The following SHISA6 variants were observed in gnomAD, a reference collection of about 807,000 sequenced individuals.
The protein encoded by SHISA6 is protein shisa-6.
Under a neutral mutation model 47.9 loss-of-function variants are expected in SHISA6, and 22 were observed. The ratio of observed to expected loss-of-function variants is 0.46; its 90% CI spans 0.33 to 0.66. SHISA6 has a LOEUF of 0.66. SHISA6 is among the 30% of genes least tolerant of loss of function. The probability of loss-of-function intolerance (pLI) is 0.02; values close to 1 mark genes in which losing one functional copy is unlikely to be tolerated. For synonymous variants in SHISA6, 388 were observed against 337.8 expected, an observed-to-expected ratio of 1.15 and a Z score of -1.63; for missense variants, 680 against 764.6, an observed-to-expected ratio of 0.89 and a Z score of 1.30.
At chr17:11,348,947 C>G (rs777156681) in intron 2 of SHISA6, among the ~76,000 whole-genome samples, 5 of 152,216 alleles carry the variant, frequency 3.3e-5, no homozygotes, top group African/African-American at 4.8e-5. Context: ...GCTTCTCCTA[C>G]TCATCTGGCT....
At chr17:11,484,518 A>G (rs1352640079) in intron 3 of SHISA6, among the ~76,000 whole-genome samples, 3 of 152,152 alleles carry the variant, frequency 2.0e-5, no homozygotes, top group Non-Finnish European at 4.4e-5. Context: ...CTCCTGCCTC[A>G]ACCTCTCAAG....
chr17:11,257,748 C>T (rs1908072941), intron 1 of SHISA6, among the ~76,000 whole-genome samples: 1 of 151,882 alleles, frequency 6.6e-6, no homozygotes, highest in Admixed American at 6.6e-5. Context: ...TTATCTGGGA[C>T]TCAAATAACC....
chr17:11,497,150 TG>T (rs922605876), intron 3 of SHISA6, among the ~76,000 whole-genome samples: 4 of 152,088 alleles, frequency 2.6e-5, no homozygotes, highest in African/African-American at 9.7e-5. Flanking sequence ...AGCCTTGACC[TG>T]GGGAAAGGAG....
At chr17:11,332,973 A>G (rs1911180297) in intron 2 of SHISA6, among the ~76,000 whole-genome samples, 1 of 152,116 alleles carries the variant, frequency 6.6e-6, no homozygotes, top group African/African-American at 2.4e-5. Context: ...TCCAGATGAG[A>G]TGGTGATCCA....
intron 3 of SHISA6, among the ~76,000 whole-genome samples, chr17:11,407,315 G>A (rs889025057): frequency 6.6e-6 from 1 of 151,992 alleles, no homozygotes; most frequent in Non-Finnish European, 1.5e-5. Context: ...GGAGCTCCAG[G>A]TCTGTGTTCC....
intron 3 of SHISA6, among the ~76,000 whole-genome samples, chr17:11,490,122 G>T (rs1056755740): frequency 5.9e-5 from 9 of 152,142 alleles, no homozygotes; most frequent in African/African-American, 2.2e-4. Context: ...ATCCCTTCTT[G>T]CCAGCCTCTC....
chr17:11,241,369 C>G lies in SHISA6; in HGVS notation c.-54C>G, dbSNP rs1907315395. 9.8e-7 allele frequency: 1 copy of G among 1,016,348 alleles called. No individual in the cohort carries two copies. The highest frequency in any genetic ancestry group is 1.2e-6 in the Non-Finnish European group (1 of 851,796). 63.0% of individuals were successfully genotyped at this position (1,016,348 alleles called of 1,614,324 possible). Reference sequence around the variant, plus strand: ...GGCGGGTCCTCCGAGCCCGGCCCGCCGGGGGAGCGGCCTGCCGCGGAAGCC... The same window carrying G: ...GGCGGGTCCTCCGAGCCCGGCCCGCGGGGGGAGCGGCCTGCCGCGGAAGCC... On this transcript the variant is annotated 5_prime_UTR_variant, in exon 1 of 6. Coordinates refer to ENST00000441885, the MANE Select transcript of SHISA6 (RefSeq NM_207386.4). This position sits in a 1 kb window ranked among gnomAD's most constrained non-coding sequence, Gnocchi z 5.5.
At chr17:11,526,793 A>ATAAT (rs1179516568) in intron 3 of SHISA6, among the ~76,000 whole-genome samples, 1 of 149,996 alleles carries the variant, frequency 6.7e-6, no homozygotes, top group African/African-American at 2.5e-5. Flanking sequence ...TTTTGTTTTT[A>ATAAT]TAATTATTTT....
chr17:11,364,390 G>C (rs953056657), intron 2 of SHISA6, among the ~76,000 whole-genome samples: 1 of 152,050 alleles, frequency 6.6e-6, no homozygotes, highest in African/African-American at 2.4e-5. Flanking sequence ...CTTTGGTCTT[G>C]GTCTTCATAC....
intron 3 of SHISA6, among the ~76,000 whole-genome samples, chr17:11,531,444 T>C (rs1353805385): frequency 6.6e-6 from 1 of 152,068 alleles, no homozygotes; most frequent in Admixed American, 6.6e-5. Context: ...ACAGCTCAGA[T>C]ACGGTTAGTG....
intron 2 of SHISA6, chr17:11,289,824 T>G (rs1320807333): frequency 6.6e-6 from 1 of 152,102 alleles, no homozygotes; most frequent in Non-Finnish European, 1.5e-5. Context: ...GCTTGTGCTC[T>G]CTCTCTTATT....
chr17:11,471,395 A>C lies in SHISA6; in HGVS notation c.896-80501A>C, dbSNP rs544702679. On this transcript the variant is annotated intron_variant, in intron 3 of 5. Coordinates refer to ENST00000441885, the MANE Select transcript of SHISA6 (RefSeq NM_207386.4). ...CTCCCTATTGACCAAGCTCAACTGG[A>C]AACCAGAGCATCAGGAAACTTGGGG... Among the ~76,000 whole-genome samples, 12 of 152,278 alleles carry C rather than the reference A, an allele frequency of 7.9e-5. No homozygotes were observed. In the South Asian group the frequency reaches 2.5e-3, roughly 32 times the overall value.
intron 2 of SHISA6, among the ~76,000 whole-genome samples, chr17:11,353,225 G>A (rs778043362): frequency 1.3e-5 from 2 of 152,156 alleles, no homozygotes; most frequent in Admixed American, 1.3e-4. Context: ...TAGGGAGGCC[G>A]AGGCTGGCGG....
At chr17:11,545,321 A>G (rs549873193) in intron 3 of SHISA6, among the ~76,000 whole-genome samples, 4 of 152,312 alleles carry the variant, frequency 2.6e-5, no homozygotes, top group Admixed American at 6.5e-5. Context: ...TTCCATTTCT[A>G]TAACATTCAC....
chr17:11,304,423 C>T (rs1392560004), intron 2 of SHISA6, among the ~76,000 whole-genome samples: 2 of 152,120 alleles, frequency 1.3e-5, no homozygotes, highest in Non-Finnish European at 2.9e-5. Context: ...CCTGCTTGAG[C>T]CTTGCTCTGT....
At chr17:11,486,953 C>G (rs934888394) in intron 3 of SHISA6, among the ~76,000 whole-genome samples, 6 of 152,228 alleles carry the variant, frequency 3.9e-5, no homozygotes, top group Non-Finnish European at 8.8e-5. Flanking sequence ...TCCGGTGCCA[C>G]CTGCTTTCAT....
intron 3 of SHISA6, among the ~76,000 whole-genome samples, chr17:11,511,314 A>G (rs1255546786): frequency 6.6e-6 from 1 of 152,100 alleles, no homozygotes; most frequent in East Asian, 1.9e-4. Flanking sequence ...GAGGGAGAGC[A>G]TTAGGACAAA....
chr17:11,252,525 C>T (rs1396207742), intron 1 of SHISA6, among the ~76,000 whole-genome samples: 2 of 152,134 alleles, frequency 1.3e-5, no homozygotes, highest in Non-Finnish European at 2.9e-5. Flanking sequence ...GAAGTGGCAT[C>T]TGAGAGTCCC....
intron 3 of SHISA6, among the ~76,000 whole-genome samples, chr17:11,468,653 CA>C (rs1915865459): frequency 6.6e-6 from 1 of 152,128 alleles, no homozygotes; most frequent in African/African-American, 2.4e-5. Flanking sequence ...CTGTTTCTTT[CA>C]AAACAGAAAA....
Sources: allele counts gnomAD v4.1 joint callset (sites outside exome capture counted in the v4.1 genomes callset), GRCh38; gene constraint gnomAD v4.1.1; non-coding constraint Gnocchi (gnomAD v3.1); transcripts MANE v1.5; gene names NCBI Gene and HGNC (gene_info 2026-07-23, HGNC 2026-07-21).